The following GPC6 variants were observed in gnomAD, a reference collection of about 807,000 sequenced individuals.
GPC6 encodes the protein glypican-6.
In GPC6, 14 loss-of-function variants were observed where a neutral mutation model predicts 55.2. The observed-to-expected ratio is 0.25, with a 90% confidence interval of 0.17 to 0.40. The LOEUF (loss-of-function observed/expected upper bound fraction) is 0.40. GPC6 is among the 10% of genes least tolerant of loss of function. GPC6 has a pLI of 1.00. For synonymous variants in GPC6, 278 were observed against 259.6 expected, an observed-to-expected ratio of 1.07 and a Z score of -0.68; for missense variants, 641 against 708.5, an observed-to-expected ratio of 0.90 and a Z score of 1.08.
chr13:93,534,769 T>C (rs1047958639), intron 1 of GPC6, among the ~76,000 whole-genome samples: 2 of 152,206 alleles, frequency 1.3e-5, no homozygotes, highest in African/African-American at 2.4e-5. Context: ...TGACAATTTA[T>C]GGTCTGATCA....
intron 1 of GPC6, among the ~76,000 whole-genome samples, chr13:93,507,958 T>C (rs1430088390): frequency 6.6e-6 from 1 of 152,222 alleles, no homozygotes; most frequent in African/African-American, 2.4e-5. Flanking sequence ...ATCTAATATT[T>C]ATTTATTCAA....
intron 2 of GPC6, among the ~76,000 whole-genome samples, chr13:93,829,566 C>A (rs1809382798): frequency 6.6e-6 from 1 of 152,080 alleles, no homozygotes; most frequent in South Asian, 2.1e-4. Flanking sequence ...TTATGGCCAC[C>A]TAAATTATGC....
chr13:93,716,611 C>T (rs1883262190), intron 2 of GPC6, among the ~76,000 whole-genome samples: 1 of 151,444 alleles, frequency 6.6e-6, no homozygotes, highest in Non-Finnish European at 1.5e-5. Flanking sequence ...AGTGATTTTA[C>T]AAAAGAGTCA....
chr13:93,486,115 C>T (rs1181025088), intron 1 of GPC6, among the ~76,000 whole-genome samples: 1 of 152,012 alleles, frequency 6.6e-6, no homozygotes, highest in East Asian at 1.9e-4. Flanking sequence ...ATAAAGATAT[C>T]CCTCAGTGTA....
intron 1 of GPC6, among the ~76,000 whole-genome samples, chr13:93,303,456 T>G (rs891361549): frequency 5.3e-5 from 8 of 152,156 alleles, no homozygotes; most frequent in Non-Finnish European, 8.8e-5. Context: ...AGTGGTAATA[T>G]CTTTAAAAAT....
chr13:93,385,933 T>C (rs1594134375), intron 1 of GPC6, among the ~76,000 whole-genome samples: 1 of 152,002 alleles, frequency 6.6e-6, no homozygotes, highest in East Asian at 1.9e-4. Flanking sequence ...CACGGATGTA[T>C]TCTATAAAAA....
intron 4 of GPC6, among the ~76,000 whole-genome samples, chr13:94,104,398 G>C (rs1373258166): frequency 1.3e-5 from 2 of 152,082 alleles, no homozygotes; most frequent in Non-Finnish European, 2.9e-5. Flanking sequence ...CATTCCCTTT[G>C]AAAACTGGCA....
chr13:94,124,230 T>G (rs1428479652), intron 4 of GPC6, among the ~76,000 whole-genome samples: 1 of 152,126 alleles, frequency 6.6e-6, no homozygotes, highest in Non-Finnish European at 1.5e-5. Flanking sequence ...GACATCCCAT[T>G]ACTTACATGC....
chr13:94,172,769 G>A (rs1049815975), intron 4 of GPC6, among the ~76,000 whole-genome samples: 10 of 152,292 alleles, frequency 6.6e-5, no homozygotes, highest in Admixed American at 4.6e-4. Context: ...CAAGTTACGT[G>A]CATTTCTAAG....
chr13:93,749,499 C>T (rs550837424), intron 2 of GPC6, among the ~76,000 whole-genome samples: 1 of 151,800 alleles, frequency 6.6e-6, no homozygotes, highest in African/African-American at 2.4e-5. Context: ...TAGGATAGGT[C>T]TTTTACAACA....
At chr13:94,009,988 T>C (rs1882178032) in intron 3 of GPC6, among the ~76,000 whole-genome samples, 1 of 152,172 alleles carries the variant, frequency 6.6e-6, no homozygotes. Context: ...CTCTATAGAT[T>C]ATAGTCTCCT....
chr13:93,879,891 A>C (rs905928309), intron 3 of GPC6, among the ~76,000 whole-genome samples: 7 of 151,734 alleles, frequency 4.6e-5, no homozygotes, highest in Admixed American at 1.3e-4. Context: ...AACCCCATCA[A>C]AAAGTGGGCG....
intron 2 of GPC6, among the ~76,000 whole-genome samples, chr13:93,575,206 G>T (rs143312624): frequency 5.6e-4 from 85 of 152,168 alleles, no homozygotes; most frequent in African/African-American, 1.6e-3. Context: ...AGGCAGAATC[G>T]CTTGAACCCG....
intron 2 of GPC6, among the ~76,000 whole-genome samples, chr13:93,689,922 A>G (rs1387647568): frequency 6.6e-6 from 1 of 152,148 alleles, no homozygotes; most frequent in Non-Finnish European, 1.5e-5. Context: ...CAGGCCTTAT[A>G]TATAGTGAAA....
intron 6 of GPC6, among the ~76,000 whole-genome samples, chr13:94,377,306 G>A (rs1011399538): frequency 2.5e-5 from 3 of 118,150 alleles, no homozygotes; most frequent in Admixed American, 9.4e-5. Context: ...TCTGACAAAG[G>A]GCTAATATCC....
intron 4 of GPC6, among the ~76,000 whole-genome samples, chr13:94,036,675 T>G (rs2138733304): frequency 6.6e-6 from 1 of 152,086 alleles, no homozygotes; most frequent in East Asian, 1.9e-4. Context: ...GGCTACCCAT[T>G]TGGTCGCAAG....
intron 2 of GPC6, among the ~76,000 whole-genome samples, chr13:93,633,146 C>T (rs1205951101): frequency 6.6e-6 from 1 of 152,120 alleles, no homozygotes; most frequent in Non-Finnish European, 1.5e-5. Context: ...TTGTGAGAAA[C>T]TGATTACTCA....
intron 4 of GPC6, among the ~76,000 whole-genome samples, chr13:94,159,361 T>G (rs1182595904): frequency 1.3e-5 from 2 of 152,298 alleles, no homozygotes; most frequent in East Asian, 3.9e-4. Context: ...AAAAGAGATT[T>G]AATGGACTCA....
At chr13:93,546,337 T>A (rs1874786200) in intron 2 of GPC6, among the ~76,000 whole-genome samples, 6 of 152,136 alleles carry the variant, frequency 3.9e-5, no homozygotes, top group Admixed American at 3.9e-4. Context: ...TGGCCAAAGT[T>A]TTTATGTTTC....
Sources: allele counts gnomAD v4.1 joint callset (sites outside exome capture counted in the v4.1 genomes callset), GRCh38; gene constraint gnomAD v4.1.1; transcripts MANE v1.5; gene names NCBI Gene and HGNC (gene_info 2026-07-23, HGNC 2026-07-21).